Variants in UBE2B observed in about 807,000 individuals in gnomAD.
The protein encoded by UBE2B is ubiquitin conjugating enzyme E2 B, also known as ubiquitin-conjugating enzyme E2 B.
In UBE2B, 11 loss-of-function variants were observed where a neutral mutation model predicts 24.6. That is an observed-to-expected ratio of 0.45 (90% CI 0.28 to 0.74). The LOEUF (loss-of-function observed/expected upper bound fraction) is 0.74, where lower values mean the gene tolerates loss of function less well. Among genes scored for constraint, UBE2B ranks in the 30% least tolerant of loss-of-function variants. The pLI, the probability that UBE2B is intolerant of heterozygous loss-of-function variation, is 0.13. For synonymous variants in UBE2B, 68 were observed against 62.4 expected, an observed-to-expected ratio of 1.09 and a Z score of -0.42; for missense variants, 78 against 185.6, an observed-to-expected ratio of 0.42 and a Z score of 3.37.
chr5:134,380,648 C>T (rs1758692910), intron 3 of UBE2B, 71 bp from the exon 4 acceptor site: 3 of 866,870 alleles, frequency 3.5e-6, no homozygotes, highest in Non-Finnish European at 5.7e-6. Flanking sequence ...AACCAGTATG[C>T]AGTTGAGAAC....
At chr5:134,378,718 C>G (rs1005618146) in intron 3 of UBE2B, among the ~76,000 whole-genome samples, 1 of 151,840 alleles carries the variant, frequency 6.6e-6, no homozygotes, top group East Asian at 1.9e-4. Flanking sequence ...CTTGAAAATA[C>G]AGACAAGCTG....
At chr5:134,384,884 C>G (rs909483941) in intron 4 of UBE2B, among the ~76,000 whole-genome samples, 2 of 151,626 alleles carry the variant, frequency 1.3e-5, no homozygotes, top group Non-Finnish European at 2.9e-5. Flanking sequence ...GTAAGTGTTA[C>G]CCCTAACGTG....
chr5:134,380,684 T>G (rs1326308248), intron 3 of UBE2B, 35 bp from the exon 4 acceptor site: 1 of 1,260,308 alleles, frequency 7.9e-7, no homozygotes, highest in Non-Finnish European at 1.2e-6. Flanking sequence ...AAAGTCGTGC[T>G]TGTCTTTACT....
intron 1 of UBE2B, among the ~76,000 whole-genome samples, 184 bp from the exon 2 acceptor site, chr5:134,374,199 T>C (rs527718055): frequency 6.6e-6 from 1 of 152,294 alleles, no homozygotes; most frequent in East Asian, 1.9e-4. Flanking sequence ...TTTGGAGAGG[T>C]ATTTAATAAG....
At chr5:134,372,935 G>C (rs35716853) in intron 1 of UBE2B, among the ~76,000 whole-genome samples, 2,665 of 152,238 alleles carry the variant, frequency 0.018, 94 homozygotes, top group African/African-American at 0.061. Context: ...TGAAATCAGC[G>C]TATTTGATTA....
intron 1 of UBE2B, among the ~76,000 whole-genome samples, chr5:134,372,423 G>T (rs1176498423): frequency 1.3e-5 from 2 of 152,214 alleles, no homozygotes; most frequent in Non-Finnish European, 2.9e-5. Flanking sequence ...TATTGGGGTT[G>T]TGAGATAGAA....
rs70976528 is a variant in UBE2B, at chr5:134,376,364, T to TATATATATATATATATAC, written c.126-304_126-303insTATATATATATATATACA. On this transcript the variant is annotated intron_variant, in intron 2 of 5. Coordinates refer to ENST00000265339, the MANE Select transcript of UBE2B (RefSeq NM_003337.4). Reference sequence around the variant, plus strand: ...AAAAAAAAAAATATATATATATATATACACATATGTACAAAATGACTGGTC... The same window carrying TATATATATATATATATAC: ...AAAAAAAAAAATATATATATATATATATATATATATATATATACACACATATGTACAAAATGACTGGTC... 6.2e-4 allele frequency among the ~76,000 whole-genome samples: 49 copies of TATATATATATATATATAC among 79,462 alleles called. 2 individuals carry two copies. Among genetic ancestry groups the TATATATATATATATATAC allele is most frequent in the African/African-American group, 2.0e-3 (38 of 19,398 alleles). The allele number at this position is 79,462 out of a possible 152,430, so 52.1% of individuals were successfully genotyped here. A position where few individuals can be genotyped will look rare whatever the true frequency, so the allele number is the denominator to read the frequency against.
chr5:134,376,747 G>T, intron 3 of UBE2B, 53 bp downstream of exon 3: 1 of 1,533,626 alleles, frequency 6.5e-7, no homozygotes, highest in South Asian at 1.3e-5. Context: ...CTTTTTAGTA[G>T]AAAATTGTAA....
intron 2 of UBE2B, among the ~76,000 whole-genome samples, chr5:134,375,181 C>T (rs1758577630): frequency 6.6e-6 from 1 of 152,136 alleles, no homozygotes; most frequent in Non-Finnish European, 1.5e-5. Flanking sequence ...TAAGAACTTC[C>T]ACTGTGGCAA....
chr5:134,375,430 C>T (rs1758581928), intron 2 of UBE2B, among the ~76,000 whole-genome samples: 1 of 152,060 alleles, frequency 6.6e-6, no homozygotes, highest in South Asian at 2.1e-4. Flanking sequence ...TCTGACACTA[C>T]AGAATCAGCT....
intron 1 of UBE2B, 106 bp from the exon 2 acceptor site, chr5:134,374,277 G>C (rs1758559692): frequency 1.0e-6 from 1 of 991,480 alleles, no homozygotes; most frequent in Non-Finnish European, 1.6e-6. Flanking sequence ...AGGAAATGGA[G>C]TTAGTCTGTG....
intron 5 of UBE2B, chr5:134,389,867 A>C (rs1178886804): frequency 1.0e-5 from 3 of 295,212 alleles, no homozygotes; most frequent in African/African-American, 6.6e-5. Flanking sequence ...TTTTAATAGA[A>C]ACAGGGTCTC....
At chr5:134,377,526 C>T (rs970213712) in intron 3 of UBE2B, among the ~76,000 whole-genome samples, 17 of 152,138 alleles carry the variant, frequency 1.1e-4, no homozygotes, top group Admixed American at 3.3e-4. Context: ...TAATGTTTGT[C>T]GTAGCATCAC....
rs1190025064 is a variant in UBE2B at position 134,376,348 on chromosome 5, AATATAT to A, written c.126-309_126-304del. Among the ~76,000 whole-genome samples the A allele has an allele frequency of 8.4e-4, 4 of 4,772 alleles. 1 individual carries two copies. Among genetic ancestry groups the A allele is most frequent in the African/African-American group, 1.8e-3 (4 of 2,250 alleles). The allele number at this position is 4,772 out of a possible 152,430, so 3.1% of individuals were successfully genotyped here. A position where few individuals can be genotyped will look rare whatever the true frequency, so the allele number is the denominator to read the frequency against. ...AAAAAAAAAAAAAAAAAAAAAAAAA[AATATAT>A]ATATATATATACACATATGTACAAA... On this transcript the variant is annotated intron_variant, in intron 2 of 5. Coordinates refer to ENST00000265339, the MANE Select transcript of UBE2B (RefSeq NM_003337.4).
intron 1 of UBE2B, among the ~76,000 whole-genome samples, chr5:134,373,553 T>C (rs898461606): frequency 2.0e-5 from 3 of 152,200 alleles, no homozygotes; most frequent in Non-Finnish European, 4.4e-5. Flanking sequence ...TACATATGTA[T>C]ACACATGTGC....
At position 134,371,688 on chromosome 5, in the gene UBE2B, G is replaced by A. The variant is rs771420185; in HGVS notation, c.44+49G>A. On this transcript the variant is annotated intron_variant, in intron 1 of 5. Transcript: ENST00000265339. ...GATGACGGCCCCTCAAAGCTGCGGG[G>A]CTGCAGGGCGTGGATCCCAGACACC... 5.0e-6 allele frequency: 8 copies of A among 1,611,740 alleles called. No individual in the cohort carries two copies. In the African/African-American group the frequency reaches 8.0e-5, roughly 16 times the overall value.
intron 1 of UBE2B, among the ~76,000 whole-genome samples, chr5:134,374,164 T>C (rs1758554879): frequency 1.3e-5 from 2 of 152,234 alleles, no homozygotes; most frequent in Admixed American, 1.3e-4. Flanking sequence ...GGGATGATTC[T>C]CAAGCCCTTT....
chr5:134,374,422 A>T lies in UBE2B; in HGVS notation c.84A>T (p.Pro28=). Residue 28 remains proline (P), a synonymous_variant, in exon 2 of 6, where the codon CCA becomes CCT. Transcript: ENST00000265339. The part of the protein sequence containing the change: ...EDPPVGVSGA[P]SENNIMQWNA... ...CACCTGTGGGTGTCAGTGGCGCACC[A>T]TCTGAAAACAACATCATGCAGTGGA... 1.3e-6 allele frequency: 2 copies of T among 1,557,232 alleles called. No individual in the cohort carries two copies. Among genetic ancestry groups the T allele is most frequent in the Non-Finnish European group, 1.7e-6 (2 of 1,149,332 alleles).
At chr5:134,384,396 T>C (rs1017657906) in intron 4 of UBE2B, among the ~76,000 whole-genome samples, 7 of 152,200 alleles carry the variant, frequency 4.6e-5, no homozygotes, top group African/African-American at 1.7e-4. Context: ...TTTTATTTTC[T>C]GTTTCTCTTT....
Sources: allele counts gnomAD v4.1 joint callset (sites outside exome capture counted in the v4.1 genomes callset), GRCh38; gene constraint gnomAD v4.1.1; transcripts MANE v1.5; gene names NCBI Gene and HGNC (gene_info 2026-07-23, HGNC 2026-07-21).